The following KIF26A variants were observed in gnomAD, a reference collection of about 807,000 sequenced individuals.
KIF26A encodes kinesin-like protein KIF26A.
A neutral mutation model predicts 126.0 loss-of-function variants in KIF26A; 74 were observed. That is an observed-to-expected ratio of 0.59 (90% CI 0.49 to 0.71). KIF26A has a LOEUF of 0.71. KIF26A is among the 30% of genes least tolerant of loss of function. The probability of loss-of-function intolerance (pLI) is 0.00; values close to 1 mark genes in which losing one functional copy is unlikely to be tolerated. For synonymous variants in KIF26A, 1,445 were observed against 1,232.7 expected (o/e 1.17, Z -3.61); for missense variants, 2,984 against 2,763.3 (o/e 1.08, Z -1.79).
rs1428911576 is a variant in KIF26A, at chr14:104,148,330, T to C, written c.289-3685T>C. Reference sequence around the variant, plus strand: ...CAAATGAAGAAAAACATTTTCCAAATGCAAGTAAAGTATCTGTGTAATTAG... The same window carrying C: ...CAAATGAAGAAAAACATTTTCCAAACGCAAGTAAAGTATCTGTGTAATTAG... On this transcript the variant is annotated intron_variant, in intron 2 of 14. Transcript: ENST00000423312. The surrounding 1 kb of genome is among the most constrained non-coding windows in gnomAD (Gnocchi z 4.3). Among the ~76,000 whole-genome samples, 2 of 152,178 alleles carry C rather than the reference T, an allele frequency of 1.3e-5. No homozygotes were observed. The highest frequency in any genetic ancestry group is 2.4e-5 in the African/African-American group (1 of 41,440).
chr14:104,157,989 G>A, intron 4 of KIF26A, 47 bp downstream of exon 4: 2 of 1,454,752 alleles, frequency 1.4e-6, no homozygotes, highest in Non-Finnish European at 1.8e-6. Context: ...GGGCCCCATG[G>A]CCCCGGCTGT....
intron 11 of KIF26A, 123 bp from the exon 12 acceptor site, chr14:104,174,859 G>T: frequency 2.9e-6 from 3 of 1,028,384 alleles, no homozygotes; most frequent in Non-Finnish European, 4.1e-6. Flanking sequence ...GACATGGTTG[G>T]TGGTGCCTGC....
Position 104,175,746 on chromosome 14 carries a change from G to T in KIF26A, c.2958G>T (p.Gly986=), listed in dbSNP as rs1306645090. The T allele has an allele frequency of 5.2e-6, 8 of 1,548,194 alleles. No homozygotes were observed. The highest frequency in any genetic ancestry group is 1.8e-4 in the Middle Eastern group (1 of 5,410). Residue 986 remains glycine (G), a synonymous_variant, in exon 12 of 15, where the codon GGG becomes GGT. Transcript: ENST00000423312. ...GGACCCCTCCCGTGGGCATGAGTGG[G>T]CAGGTGGCTGGGTCCCCGATGCTTC... ...VARTPPVGMS[G]QVAGSPMLPG... is the part of the protein sequence containing the mutation.
chr14:104,161,775 C>T (rs1281742732), intron 4 of KIF26A, among the ~76,000 whole-genome samples: 3 of 152,206 alleles, frequency 2.0e-5, no homozygotes, highest in Non-Finnish European at 4.4e-5. Flanking sequence ...CTGGGGACAC[C>T]CATCTCAGGG....
At chr14:104,160,552 C>T (rs2037823730) in intron 4 of KIF26A, among the ~76,000 whole-genome samples, 1 of 152,228 alleles carries the variant, frequency 6.6e-6, no homozygotes, top group Non-Finnish European at 1.5e-5. Flanking sequence ...GGCAGCGCAG[C>T]TGTGACAGAG....
In KIF26A at chr14:104,171,771, G is replaced by A. The variant is rs910175086; in HGVS notation, c.1162G>A (p.Ala388Thr). The change falls in exon 6 of 15, where the codon GCC becomes ACC. Residue 388 changes from alanine to threonine, a missense_variant. Coordinates refer to ENST00000423312, the MANE Select transcript of KIF26A (RefSeq NM_015656.2). Reference sequence around the variant, plus strand: ...GCCCGCACAGGGGGCCCAGCGCTCGGCCGAGGCCATGTCCTTCCTGAAGGT... The same window carrying A: ...GCCCGCACAGGGGGCCCAGCGCTCGACCGAGGCCATGTCCTTCCTGAAGGT... ...IWPAQGAQRS[A>T]EAMSFLKVDP... The A allele has an allele frequency of 3.2e-6, 5 of 1,580,524 alleles. No individual in the cohort carries two copies. The highest frequency in any genetic ancestry group is 4.3e-6 in the Non-Finnish European group (5 of 1,164,354).
At chr14:104,156,725 G>A (rs2037781324) in intron 3 of KIF26A, among the ~76,000 whole-genome samples, 1 of 152,194 alleles carries the variant, frequency 6.6e-6, no homozygotes. Flanking sequence ...GGGGCGGCTT[G>A]TTCTGCTGAC....
rs1021661031 is a variant in KIF26A, at chr14:104,139,041, A to G, written c.43-2A>G. On this transcript the variant is annotated splice_acceptor_variant, in intron 1 of 14. Transcript: ENST00000423312. LOFTEE classifies it high-confidence loss of function. The stretch of plus-strand genomic sequence containing the variant: ...GTCCGCTTCCGCCCCCACACCCTGC[A>G]GGTGGCCGAGGGCGGCCCGGCCCGC... The G allele has an allele frequency of 1.8e-5, 24 of 1,362,744 alleles. No homozygotes were observed. The highest frequency in any genetic ancestry group is 2.1e-5 in the Non-Finnish European group (22 of 1,066,722). The allele number at this position is 1,362,744 out of a possible 1,614,324, so 84.4% of individuals were successfully genotyped here.
At chr14:104,150,397 G>A (rs1289474261) in intron 2 of KIF26A, among the ~76,000 whole-genome samples, 1 of 151,966 alleles carries the variant, frequency 6.6e-6, no homozygotes, top group African/African-American at 2.4e-5. Context: ...AAATCAGGCA[G>A]CTGGGCCTGA....
chr14:104,167,134 C>T, intron 5 of KIF26A, 86 bp downstream of exon 5: 1 of 1,323,060 alleles, frequency 7.6e-7, no homozygotes, highest in Non-Finnish European at 1.0e-6. Flanking sequence ...AGTGGAGGGG[C>T]TGCCACTTCC....
In KIF26A at chr14:104,151,963, C is replaced by T. The variant is rs536898193; in HGVS notation, c.289-52C>T. The T allele has an allele frequency of 3.0e-5, 46 of 1,555,388 alleles. No individual in the cohort carries two copies. In the East Asian group the frequency reaches 4.3e-4, roughly 14 times the overall value. ...GAGAGTGCTGGTGGGCTCTGGGTGC[C>T]GGCCCTCCCTCCCCAGGCACTGACC... On this transcript the variant is annotated intron_variant, in intron 2 of 14. Transcript: ENST00000423312. The surrounding 1 kb of genome is among the most constrained non-coding windows in gnomAD (Gnocchi z 4.9).
chr14:104,174,118 C>G (rs1224248928), intron 10 of KIF26A, 30 bp from the exon 11 acceptor site: 2 of 1,523,970 alleles, frequency 1.3e-6, no homozygotes, highest in African/African-American at 2.8e-5. Flanking sequence ...CTTCCCAAGG[C>G]CTTGGCATCT....
chr14:104,179,385 G>T lies in KIF26A; in HGVS notation c.5466G>T (p.Gln1822His), dbSNP rs2038075226. 6.6e-7 allele frequency: 1 copy of T among 1,513,314 alleles called. No individual in the cohort carries two copies. The highest frequency in any genetic ancestry group is 8.8e-7 in the Non-Finnish European group (1 of 1,135,372). The allele number at this position is 1,513,314 out of a possible 1,614,324, so 93.7% of individuals were successfully genotyped here. ...TGGAGCCTGGCCGCTGGCTGGAGCA[G>T]TGTGAGTCCCGCCCGCCCACGGACC... The part of the protein sequence containing the change: ...LMLEPGRWLE[Q>H]FEVDPELEPE... Residue 1822 changes from glutamine (Q) to histidine (H), a missense_variant and splice_region_variant, in exon 14 of 15, where the codon CAG becomes CAT. By Grantham distance (24) the Gln-to-His change is conservative. Coordinates refer to ENST00000423312, the MANE Select transcript of KIF26A (RefSeq NM_015656.2).
Position 104,177,395 on chromosome 14 carries a change from C to G in KIF26A, c.4607C>G (p.Ala1536Gly). The change falls in exon 12 of 15, where the codon GCA becomes GGA. Residue 1536 changes from alanine to glycine, a missense_variant. Transcript: ENST00000423312. ...GGCGGCCCTGTGGCCGGTCCCAGAG[C>G]AGCCCCACGGGCCGGGCCCAGTGTC... is the stretch of plus-strand genomic sequence containing the variant. ...SPGGPVAGPR[A>G]APRAGPSVGA... 6.7e-7 allele frequency: 1 copy of G among 1,490,878 alleles called. No homozygotes were observed. The highest frequency in any genetic ancestry group is 1.4e-5 in the African/African-American group (1 of 71,674). The allele number at this position is 1,490,878 out of a possible 1,614,324, so 92.4% of individuals were successfully genotyped here. A position where few individuals can be genotyped will look rare whatever the true frequency, so the allele number is the denominator to read the frequency against.
chr14:104,174,914 G>C, intron 11 of KIF26A, 68 bp from the exon 12 acceptor site: 1 of 1,438,086 alleles, frequency 7.0e-7, no homozygotes, highest in South Asian at 1.4e-5. Context: ...CTGTGCTCTG[G>C]GGAGGGTCGG....
rs1388565329 is a variant in KIF26A at position 104,175,541 on chromosome 14, T to G, written c.2753T>G (p.Ile918Ser). ...GGTACCCCTGAGCCCTGCAAGGCCA[T>G]TGTCTGGGGTGACCAGAGAGAGGAC... is the stretch of plus-strand genomic sequence containing the variant. ...HQGTPEPCKAIVWGDQREDSS... is the reference protein window; with the variant it reads ...HQGTPEPCKASVWGDQREDSS... The change falls in exon 12 of 15, where the codon ATT becomes AGT. Residue 918 changes from isoleucine to serine, a missense_variant. Ile to Ser is a moderately radical substitution (Grantham distance 142). Transcript: ENST00000423312. 1 of 1,602,860 alleles carries G rather than the reference T, an allele frequency of 6.2e-7. No individual in the cohort carries two copies. Among genetic ancestry groups the G allele is most frequent in the East Asian group, 2.2e-5 (1 of 44,826 alleles).
Position 104,171,747 on chromosome 14 carries a change from C to G in KIF26A, c.1138C>G (p.Pro380Ala). The part of the protein sequence containing the change: ...GKVKVMLRIW[P>A]AQGAQRSAEA... ...GGTGAAGGTTATGCTGCGGATCTGG[C>G]CCGCACAGGGGGCCCAGCGCTCGGC... Residue 380 changes from proline to alanine, a missense_variant, in exon 6 of 15, where the codon CCC (proline) becomes GCC (alanine). Coordinates refer to ENST00000423312, the MANE Select transcript of KIF26A (RefSeq NM_015656.2). 1.3e-6 allele frequency: 2 copies of G among 1,578,422 alleles called. No individual in the cohort carries two copies. The highest frequency in any genetic ancestry group is 1.7e-6 in the Non-Finnish European group (2 of 1,163,506).
chr14:104,146,146 A>G (rs898800489), intron 2 of KIF26A, among the ~76,000 whole-genome samples: 5 of 152,050 alleles, frequency 3.3e-5, no homozygotes, highest in Non-Finnish European at 7.4e-5. Flanking sequence ...CTCAGTCTAT[A>G]AAGGGGTCAC....
At chr14:104,153,970 A>G (rs1207948973) in intron 3 of KIF26A, among the ~76,000 whole-genome samples, 1 of 152,182 alleles carries the variant, frequency 6.6e-6, no homozygotes, top group African/African-American at 2.4e-5. Flanking sequence ...GATCGTGGCC[A>G]GGGTGGGTGG....
Sources: allele counts gnomAD v4.1 joint callset (sites outside exome capture counted in the v4.1 genomes callset), GRCh38; gene constraint gnomAD v4.1.1; non-coding constraint Gnocchi (gnomAD v3.1); transcripts MANE v1.5; gene names NCBI Gene and HGNC (gene_info 2026-07-23, HGNC 2026-07-21).